HECW1: variants seen among roughly 807,000 people sequenced by gnomAD.
HECW1 encodes E3 ubiquitin-protein ligase HECW1.
In HECW1, 61 loss-of-function variants were observed where a neutral mutation model predicts 182.3. That is an observed-to-expected ratio of 0.33 (90% CI 0.27 to 0.41). The LOEUF is 0.41. HECW1 is among the 10% of genes least tolerant of loss of function. The pLI is 1.00. For synonymous variants in HECW1, 859 were observed against 832.6 expected (o/e 1.03, Z -0.55); for missense variants, 1,739 against 2,108.9 (o/e 0.82, Z 3.44).
At chr7:43,188,206 A>G (rs973963064) in intron 2 of HECW1, among the ~76,000 whole-genome samples, 3 of 152,150 alleles carry the variant, frequency 2.0e-5, no homozygotes, top group African/African-American at 7.2e-5. Context: ...TGCCTGTACA[A>G]TACTCTGGTT....
intron 2 of HECW1, among the ~76,000 whole-genome samples, chr7:43,129,541 G>A (rs937269575): frequency 4.6e-5 from 7 of 152,066 alleles, no homozygotes; most frequent in African/African-American, 1.7e-4. Flanking sequence ...GATCCATTTT[G>A]TTGAGATAGT....
At chr7:43,523,067 G>A (rs945598711) in intron 24 of HECW1, 30 of 439,598 alleles carry the variant, frequency 6.8e-5, no homozygotes, top group Admixed American at 2.4e-4. Context: ...GCAATGGTGC[G>A]ATCTTGGCTC....
rs552788536 is a variant in HECW1, at chr7:43,453,933, A to C, written c.2501-2364A>C. ...AATTCTTTACAAAGCAACCCAGAAA[A>C]CATGTTCATAATTTCTGATTACACT... On this transcript the variant is annotated intron_variant, in intron 12 of 29. Transcript: ENST00000395891. 2.6e-5 allele frequency among the ~76,000 whole-genome samples: 4 copies of C among 152,294 alleles called. No homozygotes were observed. In the South Asian group the frequency reaches 8.3e-4, roughly 32 times the overall value.
chr7:43,342,658 G>T (rs190419607), intron 5 of HECW1, among the ~76,000 whole-genome samples: 2 of 151,744 alleles, frequency 1.3e-5, no homozygotes, highest in African/African-American at 4.9e-5. Context: ...TTTTCTTGGG[G>T]TTTGAGGATA....
At chr7:43,511,142 A>T (rs1405819304) in intron 24 of HECW1, 3 of 152,262 alleles carry the variant, frequency 2.0e-5, no homozygotes, top group Non-Finnish European at 4.4e-5. Context: ...TGAGGGCTTG[A>T]CAGTGCCTGT....
At chr7:43,412,593 T>A (rs1346214985) in intron 8 of HECW1, among the ~76,000 whole-genome samples, 1 of 120,400 alleles carries the variant, frequency 8.3e-6, no homozygotes, top group African/African-American at 3.0e-5. Context: ...CCCAATGCTA[T>A]CCCTCCCCCC....
intron 13 of HECW1, among the ~76,000 whole-genome samples, chr7:43,460,060 A>G (rs978254529): frequency 6.6e-5 from 10 of 152,166 alleles, no homozygotes; most frequent in African/African-American, 2.4e-4. Flanking sequence ...ATATTGTTGA[A>G]TGTTTTGCTT....
intron 2 of HECW1, among the ~76,000 whole-genome samples, chr7:43,120,424 T>C (rs1263870781): frequency 6.6e-6 from 1 of 152,176 alleles, no homozygotes; most frequent in African/African-American, 2.4e-5. Context: ...TCTGCTTATG[T>C]GCTATTCTCT....
intron 10 of HECW1, among the ~76,000 whole-genome samples, chr7:43,443,699 T>C (rs952152869): frequency 4.6e-5 from 7 of 152,188 alleles, no homozygotes; most frequent in African/African-American, 1.2e-4. Context: ...GCCTGAGATA[T>C]TGAATGACTG....
rs575734300 is a variant in HECW1 at position 43,219,998 on chromosome 7, A to G, written c.-31-23877A>G. 4.2e-3 allele frequency among the ~76,000 whole-genome samples: 640 copies of G among 152,200 alleles called. 6 individuals are homozygous for G. Among genetic ancestry groups the G allele is most frequent in the Non-Finnish European group, 7.7e-3 (527 of 68,006 alleles). On this transcript the variant is annotated intron_variant, in intron 2 of 29. Coordinates refer to ENST00000395891, the MANE Select transcript of HECW1 (RefSeq NM_015052.5). ...GAAGGCTCCTGCAGTGAGTTCTGACACCAACTACCTGGTGCTGGGCCAGAC... is the reference window on the plus strand; with the variant it reads ...GAAGGCTCCTGCAGTGAGTTCTGACGCCAACTACCTGGTGCTGGGCCAGAC...
chr7:43,535,145 C>T (rs1397278071), intron 24 of HECW1, among the ~76,000 whole-genome samples: 1 of 152,178 alleles, frequency 6.6e-6, no homozygotes, highest in Non-Finnish European at 1.5e-5. Context: ...CATTGCCTTC[C>T]TTGAATTGTT....
At chr7:43,461,199 G>C (rs2077571266) in intron 13 of HECW1, among the ~76,000 whole-genome samples, 1 of 152,210 alleles carries the variant, frequency 6.6e-6, no homozygotes, top group Admixed American at 6.5e-5. Context: ...CCTAGTTGCA[G>C]TCAGAGGGTG....
intron 24 of HECW1, among the ~76,000 whole-genome samples, chr7:43,529,056 G>A (rs1381210027): frequency 6.6e-6 from 1 of 152,030 alleles, no homozygotes; most frequent in East Asian, 1.9e-4. Flanking sequence ...CCGTGGCAGT[G>A]ACCTACATTC....
At chr7:43,336,260 G>A (rs1409802138) in intron 5 of HECW1, among the ~76,000 whole-genome samples, 1 of 141,552 alleles carries the variant, frequency 7.1e-6, no homozygotes, top group Admixed American at 7.6e-5. Context: ...CGGCCTCAAG[G>A]GCTCAAGTGA....
intron 2 of HECW1, among the ~76,000 whole-genome samples, chr7:43,240,555 G>A (rs1798788321): frequency 6.6e-6 from 1 of 152,118 alleles, no homozygotes. Flanking sequence ...CTAATATTTG[G>A]TTTTTAATCT....
At chr7:43,213,845 G>A (rs984905490) in intron 2 of HECW1, among the ~76,000 whole-genome samples, 4 of 152,032 alleles carry the variant, frequency 2.6e-5, no homozygotes, top group African/African-American at 7.2e-5. Context: ...AATAGCTATA[G>A]CATTAGGAAG....
At position 43,388,388 on chromosome 7, in the gene HECW1, T is replaced by C. The variant is rs984956450; in HGVS notation, c.556-8426T>C. Among the ~76,000 whole-genome samples, 2 of 152,240 alleles carry C rather than the reference T, an allele frequency of 1.3e-5. 1 individual carries two copies. Among genetic ancestry groups the C allele is most frequent in the South Asian group, 4.1e-4 (2 of 4,828 alleles). ...TCCAGGGAGCCAGGTCATTATCACA[T>C]GTCATCAGATCTAAAATGCCATGGA... is the stretch of plus-strand genomic sequence containing the variant. On this transcript the variant is annotated intron_variant, in intron 6 of 29. Coordinates refer to ENST00000395891, the MANE Select transcript of HECW1 (RefSeq NM_015052.5).
intron 6 of HECW1, among the ~76,000 whole-genome samples, chr7:43,382,934 C>T (rs2152828663): frequency 6.6e-6 from 1 of 152,250 alleles, no homozygotes; most frequent in Non-Finnish European, 1.5e-5. Context: ...CTCCCCTTGT[C>T]CCCCACCACC....
At chr7:43,424,636 A>AAAAT (rs551987910) in intron 8 of HECW1, among the ~76,000 whole-genome samples, 219 of 152,294 alleles carry the variant, frequency 1.4e-3, no homozygotes, top group African/African-American at 3.8e-3. Context: ...AATAAATAAA[A>AAAAT]AAATAAATAA....
Sources: allele counts gnomAD v4.1 joint callset (sites outside exome capture counted in the v4.1 genomes callset), GRCh38; gene constraint gnomAD v4.1.1; transcripts MANE v1.5; gene names NCBI Gene and HGNC (gene_info 2026-07-23, HGNC 2026-07-21).